Variants in GRID2 observed in about 807,000 individuals in gnomAD.
The protein encoded by GRID2 is glutamate receptor ionotropic, delta-2.
A neutral mutation model predicts 114.8 loss-of-function variants in GRID2; 33 were observed. The observed-to-expected ratio is 0.29, with a 90% CI of 0.22 to 0.38. The LOEUF is 0.38. Among genes scored for constraint, GRID2 ranks in the 10% least tolerant of loss-of-function variants. GRID2 has a pLI of 1.00. For missense variants in GRID2, 1,184 were observed against 1,257.7 expected (o/e 0.94, Z 0.89); for synonymous variants, 505 against 449.9 (o/e 1.12, Z -1.55).
intron 8 of GRID2, among the ~76,000 whole-genome samples, chr4:93,368,477 T>A (rs1020979985): frequency 5.3e-5 from 8 of 152,106 alleles, no homozygotes; most frequent in African/African-American, 1.9e-4. Context: ...TATGTATACA[T>A]GTGCTATGTT....
chr4:92,954,982 A>C (rs1221077047), intron 2 of GRID2, among the ~76,000 whole-genome samples: 2 of 115,520 alleles, frequency 1.7e-5, no homozygotes, highest in Non-Finnish European at 3.4e-5. Context: ...TCCATGGTGT[A>C]TATGTGCCAC....
At chr4:93,367,140 A>T (rs1215466504) in intron 8 of GRID2, among the ~76,000 whole-genome samples, 2 of 150,918 alleles carry the variant, frequency 1.3e-5, no homozygotes, top group Non-Finnish European at 3.0e-5. Flanking sequence ...TTATTTGAGA[A>T]TTTCTCATTT....
intron 1 of GRID2, among the ~76,000 whole-genome samples, chr4:92,358,340 TAGA>T (rs1196590354): frequency 6.6e-6 from 1 of 151,922 alleles, no homozygotes; most frequent in East Asian, 1.9e-4. Flanking sequence ...AGTTAGTTGG[TAGA>T]AGAAGAGATT....
At chr4:92,655,054 T>A (rs2149264883) in intron 2 of GRID2, among the ~76,000 whole-genome samples, 1 of 152,076 alleles carries the variant, frequency 6.6e-6, no homozygotes, top group East Asian at 1.9e-4. Flanking sequence ...AACCCATCTT[T>A]AGTTGACATT....
At chr4:93,129,781 G>T (rs1352717657) in intron 4 of GRID2, among the ~76,000 whole-genome samples, 1 of 151,130 alleles carries the variant, frequency 6.6e-6, no homozygotes, top group Non-Finnish European at 1.5e-5. Context: ...ACCTGGCAGG[G>T]TGTATCTCAA....
chr4:93,078,694 A>G (rs1729565746), intron 2 of GRID2, among the ~76,000 whole-genome samples: 1 of 147,104 alleles, frequency 6.8e-6, no homozygotes, highest in Admixed American at 6.9e-5. Context: ...ACTAAATATA[A>G]TTATATTTAT....
intron 8 of GRID2, among the ~76,000 whole-genome samples, chr4:93,313,791 C>T (rs1212969511): frequency 2.0e-5 from 3 of 152,060 alleles, no homozygotes; most frequent in Non-Finnish European, 4.4e-5. Context: ...AACTTTAAAG[C>T]AAAAACAGAT....
At chr4:92,763,813 AG>A (rs1288108524) in intron 2 of GRID2, among the ~76,000 whole-genome samples, 3 of 152,214 alleles carry the variant, frequency 2.0e-5, no homozygotes, top group African/African-American at 7.2e-5. Flanking sequence ...TAAATCACAA[AG>A]GGCCTTGAAG....
intron 14 of GRID2, among the ~76,000 whole-genome samples, chr4:93,760,050 C>T (rs965334121): frequency 5.9e-5 from 9 of 152,124 alleles, no homozygotes; most frequent in African/African-American, 2.2e-4. Flanking sequence ...AATCTCCTCA[C>T]CTGTAAAAGG....
At position 92,901,146 on chromosome 4, in the gene GRID2, C is replaced by A. The variant is rs1468336163; in HGVS notation, c.245-183849C>A. On this transcript the variant is annotated intron_variant, in intron 2 of 15. Coordinates refer to ENST00000282020, the MANE Select transcript of GRID2 (RefSeq NM_001510.4). ...TTCTATCTCTAGTTATTTGATAAAT[C>A]TCCATACTGTTTTCCATAGATGTTG... Among the ~76,000 whole-genome samples, 4 of 152,232 alleles carry A rather than the reference C, an allele frequency of 2.6e-5. No homozygotes were observed. The East Asian group carries it at 7.7e-4, about 29-fold the overall frequency.
intron 4 of GRID2, among the ~76,000 whole-genome samples, chr4:93,142,422 T>G (rs1735859278): frequency 6.6e-6 from 1 of 152,086 alleles, no homozygotes; most frequent in Admixed American, 6.5e-5. Flanking sequence ...GTGGTCATCT[T>G]TTTGCTGTCA....
At chr4:93,654,487 A>G (rs1205655234) in intron 14 of GRID2, among the ~76,000 whole-genome samples, 1 of 152,176 alleles carries the variant, frequency 6.6e-6, no homozygotes, top group Non-Finnish European at 1.5e-5. Context: ...TTTCAAAGTC[A>G]CAGCAGGCTT....
chr4:92,545,921 T>C (rs1726231705), intron 1 of GRID2, among the ~76,000 whole-genome samples: 1 of 152,166 alleles, frequency 6.6e-6, no homozygotes, highest in African/African-American at 2.4e-5. Flanking sequence ...CTGGCACTGT[T>C]CCCAAATTTA....
chr4:93,617,294 G>A (rs1055905924), intron 13 of GRID2, among the ~76,000 whole-genome samples: 1 of 152,206 alleles, frequency 6.6e-6, no homozygotes, highest in Admixed American at 6.5e-5. Flanking sequence ...AATAATGTAT[G>A]TTTCTTGATG....
At chr4:93,562,958 A>G (rs1389906501) in intron 13 of GRID2, among the ~76,000 whole-genome samples, 1 of 151,962 alleles carries the variant, frequency 6.6e-6, no homozygotes, top group East Asian at 1.9e-4. Flanking sequence ...TCTTAAAGTC[A>G]AATTGTATCC....
intron 13 of GRID2, among the ~76,000 whole-genome samples, chr4:93,625,211 A>G (rs1742592839): frequency 1.3e-5 from 2 of 152,194 alleles, no homozygotes; most frequent in Admixed American, 6.5e-5. Flanking sequence ...AAGCCTAGTA[A>G]CCCAAGGCGT....
intron 2 of GRID2, among the ~76,000 whole-genome samples, chr4:92,826,545 G>C (rs1460512045): frequency 6.6e-6 from 1 of 151,918 alleles, no homozygotes; most frequent in African/African-American, 2.4e-5. Context: ...TGCCAGTTTT[G>C]TTCCATACTG....
chr4:92,988,257 C>T (rs1476508761), intron 2 of GRID2, among the ~76,000 whole-genome samples: 1 of 152,078 alleles, frequency 6.6e-6, no homozygotes, highest in Non-Finnish European at 1.5e-5. Context: ...GAAGCATCAA[C>T]TCTTAAGCTC....
At chr4:92,697,839 C>T (rs1417619538) in intron 2 of GRID2, among the ~76,000 whole-genome samples, 3 of 152,050 alleles carry the variant, frequency 2.0e-5, no homozygotes, top group East Asian at 1.9e-4. Flanking sequence ...CCATTTGAAA[C>T]AAAACCATCA....
Sources: allele counts gnomAD v4.1 joint callset (sites outside exome capture counted in the v4.1 genomes callset), GRCh38; gene constraint gnomAD v4.1.1; transcripts MANE v1.5; gene names NCBI Gene and HGNC (gene_info 2026-07-23, HGNC 2026-07-21).